The following PSD3 variants were observed in gnomAD, a reference collection of about 807,000 sequenced individuals.
PSD3 encodes the protein PH and SEC7 domain-containing protein 3.
A neutral mutation model predicts 105.5 loss-of-function variants in PSD3; 49 were observed. The ratio of observed to expected loss-of-function variants is 0.46; its 90% confidence interval spans 0.37 to 0.59. The LOEUF (loss-of-function observed/expected upper bound fraction) is 0.59. Among genes scored for constraint, PSD3 ranks in the 20% least tolerant of loss-of-function variants. The pLI, the probability that PSD3 is intolerant of heterozygous loss-of-function variation, is 0.00. For missense variants in PSD3, 1,561 were observed against 1,263.8 expected (o/e 1.24, Z -3.57); for synonymous variants, 557 against 457.8 (o/e 1.22, Z -2.77).
chr8:18,801,239 A>G (rs966054493), intron 7 of PSD3, 31 bp downstream of exon 7: 4 of 1,347,446 alleles, frequency 3.0e-6, no homozygotes, highest in African/African-American at 3.0e-5. Flanking sequence ...ATTGATATAA[A>G]AAAGAAATTC....
chr8:18,803,354 G>C (rs1034545140), intron 6 of PSD3: 2 of 143,126 alleles, frequency 1.4e-5, no homozygotes, highest in East Asian at 4.2e-4. Flanking sequence ...AAATACTTAG[G>C]AAAAAAATCT....
intron 4 of PSD3, among the ~76,000 whole-genome samples, chr8:18,828,060 TATATATA>T (rs905736263): frequency 9.8e-5 from 11 of 112,784 alleles, no homozygotes; most frequent in African/African-American, 3.7e-4. Flanking sequence ...TATATATATA[TATATATA>T]TTTTTTTTTT....
At position 18,560,842 on chromosome 8, in the gene PSD3, C is replaced by T. The variant is rs547795137; in HGVS notation, c.2785-4490G>A. On this transcript the variant is annotated intron_variant, in intron 14 of 15. Coordinates refer to ENST00000327040, the MANE Select transcript of PSD3 (RefSeq NM_015310.4). ...TCAAACTTCATATCGAAACTTAATC[C>T]TCATTGTGTAGTATTAAGAGATGGT... Among the ~76,000 whole-genome samples the T allele has an allele frequency of 3.2e-4, 49 of 152,246 alleles. No individual in the cohort carries two copies. In the East Asian group the frequency reaches 9.3e-3, roughly 29 times the overall value.
At chr8:18,701,482 C>A (rs1263687676) in intron 9 of PSD3, among the ~76,000 whole-genome samples, 1 of 152,088 alleles carries the variant, frequency 6.6e-6, no homozygotes, top group Non-Finnish European at 1.5e-5. Context: ...ATCAAGAAAC[C>A]TTTTATACAG....
At chr8:18,765,397 G>C in intron 9 of PSD3, 52 bp downstream of exon 9, 1 of 1,467,864 alleles carries the variant, frequency 6.8e-7, no homozygotes, top group South Asian at 1.1e-5. Flanking sequence ...TAAGCTGTAA[G>C]CAGCAAACAG....
Position 18,565,870 on chromosome 8 carries a change from G to C in PSD3, c.2784+6658C>G, listed in dbSNP as rs891839678. On this transcript the variant is annotated intron_variant, in intron 14 of 15. Transcript: ENST00000327040. ...GAGACATTTTTGGTTGTTAGAACTG[G>C]GGGGTCCCTATTGGCATCTAGTGGG... Among the ~76,000 whole-genome samples, 3 of 152,120 alleles carry C rather than the reference G, an allele frequency of 2.0e-5. 1 individual carries two copies. The highest frequency in any genetic ancestry group is 4.1e-4 in the South Asian group (2 of 4,830).
intron 1 of PSD3, among the ~76,000 whole-genome samples, chr8:18,966,084 G>A (rs1824225044): frequency 6.6e-6 from 1 of 152,166 alleles, no homozygotes; most frequent in Non-Finnish European, 1.5e-5. Context: ...CAGGATTACA[G>A]CTAGCACTCA....
At chr8:18,996,994 C>G (rs898373658) in intron 1 of PSD3, among the ~76,000 whole-genome samples, 1 of 151,892 alleles carries the variant, frequency 6.6e-6, no homozygotes, top group Non-Finnish European at 1.5e-5. Flanking sequence ...CTCGCACTCT[C>G]GATTCCCCTC....
chr8:18,843,471 G>A (rs996111817), intron 4 of PSD3, among the ~76,000 whole-genome samples: 5 of 151,972 alleles, frequency 3.3e-5, no homozygotes, highest in South Asian at 2.1e-4. Context: ...TTCATATAAC[G>A]AAGTAATATA....
chr8:18,616,475 C>T (rs1188711126), intron 11 of PSD3, among the ~76,000 whole-genome samples: 1 of 152,114 alleles, frequency 6.6e-6, no homozygotes, highest in Non-Finnish European at 1.5e-5. Flanking sequence ...GAAAGATTAA[C>T]TCAGTGTCTG....
chr8:18,903,063 T>C (rs1381185296), intron 2 of PSD3, among the ~76,000 whole-genome samples: 1 of 152,028 alleles, frequency 6.6e-6, no homozygotes, highest in Non-Finnish European at 1.5e-5. Flanking sequence ...TTGCTGTCTG[T>C]GAAAGGATTG....
chr8:18,945,254 G>A (rs986634068), intron 1 of PSD3, among the ~76,000 whole-genome samples: 5 of 152,158 alleles, frequency 3.3e-5, no homozygotes, highest in African/African-American at 1.2e-4. Flanking sequence ...TCTTGGATTA[G>A]CCAAGTGAAC....
chr8:19,082,549 C>T (rs960672155), intron 1 of PSD3, among the ~76,000 whole-genome samples: 7 of 152,100 alleles, frequency 4.6e-5, no homozygotes, highest in East Asian at 1.9e-4. Flanking sequence ...TAACTTAGAC[C>T]GAGCAGATGT....
At chr8:19,035,337 C>T (rs76589725) in intron 1 of PSD3, among the ~76,000 whole-genome samples, 14,968 of 151,922 alleles carry the variant, frequency 0.099, 908 homozygotes, top group Non-Finnish European at 0.15. Context: ...AAAATAGTTT[C>T]GTTTAATTAG....
chr8:18,904,464 T>A (rs778043386), intron 2 of PSD3, among the ~76,000 whole-genome samples: 1 of 152,146 alleles, frequency 6.6e-6, no homozygotes, highest in East Asian at 1.9e-4. Context: ...ATACAAGACA[T>A]GGCGTCAAGG....
At chr8:19,051,129 C>T (rs17127712) in intron 1 of PSD3, among the ~76,000 whole-genome samples, 4,357 of 152,242 alleles carry the variant, frequency 0.029, 203 homozygotes, top group African/African-American at 0.1. Context: ...TGCATAAAGA[C>T]CTTCAGCATC....
chr8:18,760,310 T>TGATG (rs762072903), intron 9 of PSD3, among the ~76,000 whole-genome samples: 2 of 152,130 alleles, frequency 1.3e-5, no homozygotes, highest in South Asian at 2.1e-4. Context: ...ACAAACAATA[T>TGATG]GATGTTATTA....
At chr8:19,017,890 G>A (rs1326339651), upstream of PSD3, among the ~76,000 whole-genome samples, 1 of 152,156 alleles carries the variant, frequency 6.6e-6, no homozygotes, top group Non-Finnish European at 1.5e-5. Flanking sequence ...TTTTCATGTA[G>A]CTGTTATGTT....
At position 18,527,615 on chromosome 8, in the gene PSD3, C is replaced by T. The variant is rs1327542450; in HGVS notation, c.*8128G>A. 1.3e-5 allele frequency: 2 copies of T among 152,580 alleles called. No homozygotes were observed. The highest frequency in any genetic ancestry group is 4.8e-5 in the African/African-American group (2 of 41,434). 9.5% of individuals were successfully genotyped at this position (152,580 alleles called of 1,614,324 possible). ...GAAATAGGGTAATATTTATATACAA[C>T]TATTTTAATAAAAAATAAAGCAATT... On this transcript the variant is annotated 3_prime_UTR_variant, in exon 16 of 16. Coordinates refer to ENST00000327040, the MANE Select transcript of PSD3 (RefSeq NM_015310.4).
Sources: allele counts gnomAD v4.1 joint callset (sites outside exome capture counted in the v4.1 genomes callset), GRCh38; gene constraint gnomAD v4.1.1; transcripts MANE v1.5; gene names NCBI Gene and HGNC (gene_info 2026-07-23, HGNC 2026-07-21).